MYO3B: variants seen among roughly 807,000 people sequenced by gnomAD.
MYO3B encodes myosin IIIB.
Under a neutral mutation model 174.6 loss-of-function variants are expected in MYO3B, and 156 were observed. That is an observed-to-expected ratio of 0.89 (90% CI 0.78 to 1.02). The LOEUF is 1.02. Ranked by LOEUF, MYO3B falls within the 50% of genes least tolerant of loss-of-function variation. The probability of loss-of-function intolerance (pLI) is 0.00; values close to 1 mark genes in which losing one functional copy is unlikely to be tolerated. For synonymous variants in MYO3B, 563 were observed against 569.1 expected (o/e 0.99, Z 0.15); for missense variants, 1,632 against 1,639.4 (o/e 1.00, Z 0.08).
At chr2:170,414,199 T>C (rs537699289) in intron 22 of MYO3B, among the ~76,000 whole-genome samples, 36 of 152,192 alleles carry the variant, frequency 2.4e-4, no homozygotes, top group Admixed American at 1.1e-3. Context: ...AGTAAGTCTT[T>C]TTCTTGAGAT....
At chr2:170,296,884 A>T (rs963383554) in intron 7 of MYO3B, among the ~76,000 whole-genome samples, 2 of 152,154 alleles carry the variant, frequency 1.3e-5, no homozygotes, top group African/African-American at 2.4e-5. Context: ...GGAGGTCTAC[A>T]CACTTTTAAA....
chr2:170,516,499 C>G (rs138266668), intron 29 of MYO3B, among the ~76,000 whole-genome samples: 2 of 151,884 alleles, frequency 1.3e-5, no homozygotes, highest in Admixed American at 1.3e-4. Context: ...AAAAATTAGG[C>G]GGGCATGGCG....
chr2:170,252,601 T>A (rs889967), intron 7 of MYO3B, among the ~76,000 whole-genome samples: 152,121 of 152,302 alleles, frequency 1, 75,970 homozygotes, highest in Middle Eastern at 1. Context: ...CCCTGTCCTC[T>A]TGGAGCTTAC....
At chr2:170,326,241 T>C (rs970856810) in intron 7 of MYO3B, among the ~76,000 whole-genome samples, 9 of 151,864 alleles carry the variant, frequency 5.9e-5, no homozygotes, top group Admixed American at 1.3e-4. Flanking sequence ...AAAGAACCCA[T>C]GTAAACAGTC....
chr2:170,367,414 G>C (rs1392717521), intron 8 of MYO3B, among the ~76,000 whole-genome samples: 1 of 152,206 alleles, frequency 6.6e-6, no homozygotes, highest in African/African-American at 2.4e-5. Flanking sequence ...AGCAGGCTTA[G>C]CTTCAGATCC....
chr2:170,218,996 C>G (rs990910631), intron 6 of MYO3B, among the ~76,000 whole-genome samples: 1 of 152,124 alleles, frequency 6.6e-6, no homozygotes, highest in Non-Finnish European at 1.5e-5. Context: ...TTCTTAATGC[C>G]CCAACAGTAG....
intron 9 of MYO3B, among the ~76,000 whole-genome samples, chr2:170,377,376 A>C (rs1574877217): frequency 6.6e-6 from 1 of 151,974 alleles, no homozygotes; most frequent in Non-Finnish European, 1.5e-5. Flanking sequence ...CCCATCCTCT[A>C]CCTCATCTAT....
intron 28 of MYO3B, among the ~76,000 whole-genome samples, chr2:170,504,479 C>T (rs1055431860): frequency 6.6e-6 from 1 of 152,204 alleles, no homozygotes; most frequent in Non-Finnish European, 1.5e-5. Flanking sequence ...TTAGCTTCCT[C>T]AGAACTTCCT....
chr2:170,407,695 G>C lies in MYO3B; in HGVS notation c.2521-20G>C, dbSNP rs377388181. ...GGACAGTTGACTTGGCTAATTTGCCGTTTGCTATTCATGTTACAGGTATTA... is the reference window on the plus strand; with the variant it reads ...GGACAGTTGACTTGGCTAATTTGCCCTTTGCTATTCATGTTACAGGTATTA... On this transcript the variant is annotated intron_variant, in intron 21 of 34. Coordinates refer to ENST00000408978, the MANE Select transcript of MYO3B (RefSeq NM_138995.5). 3 of 1,607,250 alleles carry C rather than the reference G, an allele frequency of 1.9e-6. No individual in the cohort carries two copies. Among genetic ancestry groups the C allele is most frequent in the Non-Finnish European group, 2.5e-6 (3 of 1,177,468 alleles).
intron 12 of MYO3B, chr2:170,385,972 A>G (rs1401950594): frequency 5.4e-6 from 2 of 372,466 alleles, no homozygotes; most frequent in African/African-American, 4.2e-5. Context: ...ATATCCCAAT[A>G]TTGGACAGAT....
chr2:170,636,395 A>G (rs987167492), intron 32 of MYO3B, among the ~76,000 whole-genome samples: 2 of 145,256 alleles, frequency 1.4e-5, no homozygotes, highest in African/African-American at 5.3e-5. Flanking sequence ...GATCTCCATG[A>G]ATTTCTTTTT....
intron 32 of MYO3B, among the ~76,000 whole-genome samples, chr2:170,566,167 C>T (rs1481816129): frequency 6.6e-6 from 1 of 152,132 alleles, no homozygotes; most frequent in Admixed American, 6.5e-5. Flanking sequence ...ATTATTTTCT[C>T]AGTAATTCCC....
intron 8 of MYO3B, chr2:170,341,213 A>G (rs936465214): frequency 2.6e-5 from 4 of 152,194 alleles, no homozygotes; most frequent in South Asian, 2.1e-4. Context: ...TGTTTGCTTG[A>G]CATTGATTGT....
At chr2:170,413,138 C>G (rs748259885) in intron 22 of MYO3B, among the ~76,000 whole-genome samples, 7 of 152,146 alleles carry the variant, frequency 4.6e-5, no homozygotes, top group Non-Finnish European at 1.0e-4. Context: ...AATATAACAA[C>G]TATATCCATA....
intron 25 of MYO3B, among the ~76,000 whole-genome samples, chr2:170,489,777 C>T (rs981638383): frequency 1.1e-4 from 17 of 151,346 alleles, no homozygotes; most frequent in African/African-American, 4.1e-4. Context: ...TCTTTTAAGG[C>T]CTTCAACTAA....
At chr2:170,514,655 C>T (rs927481496) in intron 28 of MYO3B, among the ~76,000 whole-genome samples, 1 of 152,204 alleles carries the variant, frequency 6.6e-6, no homozygotes, top group African/African-American at 2.4e-5. Flanking sequence ...ACAGTTTCCC[C>T]AAATTACCCA....
chr2:170,216,128 T>TGAA (rs2092825601), intron 5 of MYO3B, among the ~76,000 whole-genome samples: 6 of 152,066 alleles, frequency 3.9e-5, no homozygotes, highest in African/African-American at 1.4e-4. Context: ...ATGTCCGCAG[T>TGAA]CATCCCCCAA....
intron 8 of MYO3B, among the ~76,000 whole-genome samples, chr2:170,366,354 G>A (rs987712589): frequency 2.6e-5 from 4 of 152,074 alleles, no homozygotes; most frequent in African/African-American, 7.2e-5. Context: ...AGACTGGAGT[G>A]TAGTGGTGGG....
chr2:170,343,860 A>G (rs1371686827), intron 8 of MYO3B: 1 of 152,254 alleles, frequency 6.6e-6, no homozygotes, highest in Non-Finnish European at 1.5e-5. Flanking sequence ...GAGAATAACA[A>G]TGCTTCTATA....
Sources: gnomAD v4.1 joint callset for allele counts (sites outside exome capture counted in the v4.1 genomes callset) on GRCh38, gnomAD v4.1.1 for gene constraint, MANE v1.5 for transcripts, NCBI Gene and HGNC (gene_info 2026-07-23, HGNC 2026-07-21) for gene names.